Variants in SLC16A10 observed in about 807,000 individuals in gnomAD.
SLC16A10 encodes solute carrier family 16 member 10.
In SLC16A10, 27 loss-of-function variants were observed where a neutral mutation model predicts 40.0. The ratio of observed to expected loss-of-function variants is 0.67; its 90% CI spans 0.50 to 0.93. The LOEUF (loss-of-function observed/expected upper bound fraction) is 0.93. SLC16A10 is among the 40% of genes least tolerant of loss of function. The pLI is 0.00. For synonymous variants in SLC16A10, 213 were observed against 249.8 expected (o/e 0.85, Z 1.39); for missense variants, 529 against 658.2 (o/e 0.80, Z 2.15).
At chr6:111,124,430 C>T (rs1044461664) in intron 1 of SLC16A10, among the ~76,000 whole-genome samples, 4 of 151,328 alleles carry the variant, frequency 2.6e-5, no homozygotes, top group Admixed American at 6.6e-5. Context: ...ATCATGGCCA[C>T]GGCTCACTGC....
chr6:111,092,889 A>C (rs1187741600), intron 1 of SLC16A10, among the ~76,000 whole-genome samples: 1 of 151,786 alleles, frequency 6.6e-6, no homozygotes, highest in African/African-American at 2.4e-5. Context: ...AAAATACAAA[A>C]AATTAGCTGG....
intron 1 of SLC16A10, among the ~76,000 whole-genome samples, chr6:111,151,953 A>T (rs1203316961): frequency 3.9e-5 from 6 of 152,098 alleles, no homozygotes; most frequent in Non-Finnish European, 1.5e-5. Flanking sequence ...TTGGTCGATT[A>T]TCACACTGTT....
chr6:111,156,414 A>C (rs541973910), intron 1 of SLC16A10, among the ~76,000 whole-genome samples: 12 of 152,340 alleles, frequency 7.9e-5, no homozygotes, highest in Non-Finnish European at 1.6e-4. Flanking sequence ...TTTACATCAA[A>C]AGCACTAAGC....
intron 1 of SLC16A10, among the ~76,000 whole-genome samples, chr6:111,132,406 AG>A (rs1771800263): frequency 6.6e-6 from 1 of 152,232 alleles, no homozygotes; most frequent in Non-Finnish European, 1.5e-5. Context: ...AGTGTAAACA[AG>A]GGGGTAGCCC....
At chr6:111,112,356 G>A (rs1418715073) in intron 1 of SLC16A10, among the ~76,000 whole-genome samples, 2 of 152,146 alleles carry the variant, frequency 1.3e-5, no homozygotes, top group African/African-American at 4.8e-5. Flanking sequence ...TTTTGATACT[G>A]AGCTTAATTT....
intron 1 of SLC16A10, among the ~76,000 whole-genome samples, chr6:111,139,076 T>C: frequency 1.7e-5 from 1 of 57,420 alleles, no homozygotes; most frequent in Non-Finnish European, 4.2e-5. Context: ...TGCTGGCTTT[T>C]TTTTTTCTTC....
At chr6:111,146,708 G>T (rs1180691014) in intron 1 of SLC16A10, among the ~76,000 whole-genome samples, 2 of 151,852 alleles carry the variant, frequency 1.3e-5, no homozygotes, top group African/African-American at 4.8e-5. Flanking sequence ...CTGCACTCCA[G>T]CCTGGGCAAC....
chr6:111,230,274 A>G lies in SLC16A10; in HGVS notation c.*8039A>G, dbSNP rs1444969221. The G allele has an allele frequency of 6.6e-6, 1 of 151,964 alleles. No homozygotes were observed. Among genetic ancestry groups the G allele is most frequent in the Admixed American group, 6.6e-5 (1 of 15,252 alleles). 9.4% of individuals were successfully genotyped at this position (151,964 alleles called of 1,614,324 possible). ...CAGGCATGAGCCACCATGCCCGGCT[A>G]GAGAATGACAGGTTTCAGTTGAATT... On this transcript the variant is annotated 3_prime_UTR_variant, in exon 6 of 6. Transcript: ENST00000368851.
chr6:111,106,278 GTT>G (rs949274991), intron 1 of SLC16A10, among the ~76,000 whole-genome samples: 2 of 152,290 alleles, frequency 1.3e-5, no homozygotes, highest in East Asian at 3.9e-4. Flanking sequence ...AACAATGTAA[GTT>G]TTTGATATTG....
At chr6:111,193,123 A>G (rs1773024148) in intron 3 of SLC16A10, among the ~76,000 whole-genome samples, 1 of 152,156 alleles carries the variant, frequency 6.6e-6, no homozygotes, top group South Asian at 2.1e-4. Context: ...AAGTGCTGGG[A>G]TTACAGATGT....
intron 1 of SLC16A10, among the ~76,000 whole-genome samples, chr6:111,134,486 C>G (rs1400518499): frequency 6.6e-6 from 1 of 151,992 alleles, no homozygotes; most frequent in East Asian, 1.9e-4. Context: ...GTTAGAAACC[C>G]TACTGAACTT....
chr6:111,205,483 G>T (rs1292740016), intron 3 of SLC16A10, among the ~76,000 whole-genome samples: 1 of 152,040 alleles, frequency 6.6e-6, no homozygotes. Context: ...GGAGGAGAAA[G>T]GTCCTTTAAA....
chr6:111,129,389 CT>C (rs1448461010), intron 1 of SLC16A10, among the ~76,000 whole-genome samples: 1 of 152,180 alleles, frequency 6.6e-6, no homozygotes, highest in African/African-American at 2.4e-5. Context: ...TGATATGGTA[CT>C]TTAATTGAGG....
chr6:111,125,997 A>G (rs1771668009), intron 1 of SLC16A10, among the ~76,000 whole-genome samples: 1 of 152,226 alleles, frequency 6.6e-6, no homozygotes, highest in Non-Finnish European at 1.5e-5. Flanking sequence ...CATAGAAATT[A>G]GTAACTTGAG....
In SLC16A10 at chr6:111,168,486, TAGTC is replaced by T. The variant is rs71663320; in HGVS notation, c.344-4206_344-4203del. On this transcript the variant is annotated intron_variant, in intron 1 of 5. Coordinates refer to ENST00000368851, the MANE Select transcript of SLC16A10 (RefSeq NM_018593.5). ...GTCTTTATTATTATAATAGCAGTAA[TAGTC>T]AGACTTGGAAGGGGTGAAAGAGAAC... 5.4e-3 allele frequency among the ~76,000 whole-genome samples: 829 copies of T among 152,250 alleles called. 6 individuals carry two copies. The highest frequency in any genetic ancestry group is 0.019 in the African/African-American group (780 of 41,544).
At chr6:111,188,580 C>A (rs993083223) in intron 3 of SLC16A10, among the ~76,000 whole-genome samples, 1 of 152,166 alleles carries the variant, frequency 6.6e-6, no homozygotes, top group Non-Finnish European at 1.5e-5. Flanking sequence ...TCTCAGCCTT[C>A]CCAAGTGCTG....
rs1334389334 is a variant in SLC16A10, at chr6:111,230,052, G to C, written c.*7817G>C. 8.1e-6 allele frequency: 1 copy of C among 124,116 alleles called. No individual in the cohort carries two copies. Among genetic ancestry groups the C allele is most frequent in the Admixed American group, 1.1e-4 (1 of 9,338 alleles). The allele number at this position is 124,116 out of a possible 1,614,324, so 7.7% of individuals were successfully genotyped here. ...ATTGCCAGGCTCCATATAGTGGCGC[G>C]ATCTCAGCTCACTGCAACCTCCGCC... On this transcript the variant is annotated 3_prime_UTR_variant, in exon 6 of 6. Transcript: ENST00000368851.
rs572580237 is a variant in SLC16A10, at chr6:111,214,611, G to C, written c.1087-4203G>C. ...TCTGCTGGGAAAGAGCATCACTACA[G>C]TAGCTACAAATAAGGTGGAAGAAGC... On this transcript the variant is annotated intron_variant, in intron 4 of 5. Coordinates refer to ENST00000368851, the MANE Select transcript of SLC16A10 (RefSeq NM_018593.5). Among the ~76,000 whole-genome samples, 4 of 152,266 alleles carry C rather than the reference G, an allele frequency of 2.6e-5. No individual in the cohort carries two copies. The South Asian group carries it at 8.3e-4, about 32-fold the overall frequency.
Position 111,226,111 on chromosome 6 carries a change from A to G in SLC16A10, c.*3876A>G, listed in dbSNP as rs1770990105. On this transcript the variant is annotated 3_prime_UTR_variant, in exon 6 of 6. Transcript: ENST00000368851. Reference sequence around the variant, plus strand: ...ATTTAAGGGAAGAAATAAATTTCATACAAATTAGTATCTTTTATGCTAACA... The same window carrying G: ...ATTTAAGGGAAGAAATAAATTTCATGCAAATTAGTATCTTTTATGCTAACA... 6.6e-6 allele frequency: 1 copy of G among 152,226 alleles called. No homozygotes were observed. The highest frequency in any genetic ancestry group is 1.5e-5 in the Non-Finnish European group (1 of 68,054). 9.4% of individuals were successfully genotyped at this position (152,226 alleles called of 1,614,324 possible).
Sources: allele counts gnomAD v4.1 joint callset (sites outside exome capture counted in the v4.1 genomes callset), GRCh38; gene constraint gnomAD v4.1.1; transcripts MANE v1.5; gene names NCBI Gene and HGNC (gene_info 2026-07-23, HGNC 2026-07-21).